The following XPO1 variants were observed in gnomAD, a reference collection of about 807,000 sequenced individuals.
The protein encoded by XPO1 is exportin-1.
A neutral mutation model predicts 133.3 loss-of-function variants in XPO1; 5 were observed. The observed-to-expected ratio is 0.04, with a 90% confidence interval of 0.02 to 0.08. XPO1 has a LOEUF of 0.08. Among genes scored for constraint, XPO1 ranks in the 10% least tolerant of loss-of-function variants. The pLI is 1.00. For synonymous variants in XPO1, 419 were observed against 408.2 expected (o/e 1.03, Z -0.32); for missense variants, 506 against 1,267.5 (o/e 0.40, Z 9.12).
intron 24 of XPO1, among the ~76,000 whole-genome samples, chr2:61,479,432 A>T (rs1696221442): frequency 6.8e-6 from 1 of 148,034 alleles, no homozygotes; most frequent in African/African-American, 2.5e-5. Flanking sequence ...AGCCTGGGTG[A>T]TAAAAGCGAG....
intron 3 of XPO1, among the ~76,000 whole-genome samples, chr2:61,523,187 G>C (rs1698771208): frequency 6.6e-6 from 1 of 152,176 alleles, no homozygotes; most frequent in African/African-American, 2.4e-5. Context: ...CATCACTGGT[G>C]TGTTACTTAA....
chr2:61,514,247 T>C (rs1160502894), intron 4 of XPO1, among the ~76,000 whole-genome samples: 1 of 149,960 alleles, frequency 6.7e-6, no homozygotes, highest in Non-Finnish European at 1.5e-5. Flanking sequence ...CATACTGGCA[T>C]GGCAAAGAAC....
chr2:61,482,332 A>G (rs377043510), intron 23 of XPO1, 48 bp downstream of exon 23: 217 of 1,517,472 alleles, frequency 1.4e-4, no homozygotes, highest in Admixed American at 2.6e-4. Context: ...GGTGTGAGCC[A>G]CTGTGCCCGA....
intron 4 of XPO1, among the ~76,000 whole-genome samples, chr2:61,515,886 A>T (rs1306699528): frequency 1.4e-5 from 2 of 147,222 alleles, no homozygotes; most frequent in Non-Finnish European, 3.0e-5. Flanking sequence ...GATCGAGACC[A>T]TCCTGGCTAA....
At chr2:61,512,209 T>G (rs1327943359) in intron 4 of XPO1, among the ~76,000 whole-genome samples, 1 of 152,260 alleles carries the variant, frequency 6.6e-6, no homozygotes, top group East Asian at 1.9e-4. Context: ...TTCTCATGAA[T>G]TTGTTTTAGA....
At chr2:61,493,202 G>A in intron 12 of XPO1, 149 bp from the exon 13 acceptor site, 1 of 736,020 alleles carries the variant, frequency 1.4e-6, no homozygotes, top group Non-Finnish European at 2.0e-6. Context: ...CTATTCCGGA[G>A]GGCCGAGGCA....
At chr2:61,510,752 C>G (rs1300558670) in intron 4 of XPO1, among the ~76,000 whole-genome samples, 2 of 151,952 alleles carry the variant, frequency 1.3e-5, no homozygotes, top group Admixed American at 6.6e-5. Flanking sequence ...GCCTAGGCAA[C>G]ATAGCGAGAC....
chr2:61,489,378 A>G (rs1573119554), intron 17 of XPO1, among the ~76,000 whole-genome samples: 1 of 147,222 alleles, frequency 6.8e-6, no homozygotes, highest in Non-Finnish European at 1.5e-5. Flanking sequence ...ACGCCATTGC[A>G]CTCCAGCCCG....
intron 4 of XPO1, among the ~76,000 whole-genome samples, chr2:61,505,859 T>C (rs1697783189): frequency 6.6e-6 from 1 of 152,200 alleles, no homozygotes; most frequent in Non-Finnish European, 1.5e-5. Flanking sequence ...TGGCTGATTC[T>C]GACTCTTATA....
At chr2:61,529,303 A>G (rs1443323546) in intron 2 of XPO1, among the ~76,000 whole-genome samples, 1 of 152,226 alleles carries the variant, frequency 6.6e-6, no homozygotes, top group African/African-American at 2.4e-5. Flanking sequence ...TCTCACAACC[A>G]TTTCTGACAA....
At chr2:61,511,400 T>TA (rs1698091774) in intron 4 of XPO1, among the ~76,000 whole-genome samples, 2 of 152,090 alleles carry the variant, frequency 1.3e-5, no homozygotes, top group Non-Finnish European at 1.5e-5. Flanking sequence ...GTCCTGGGAT[T>TA]ACAGGCAAGA....
intron 21 of XPO1, 76 bp downstream of exon 21, chr2:61,483,861 C>A (rs886850649): frequency 1.3e-6 from 2 of 1,503,946 alleles, no homozygotes; most frequent in Non-Finnish European, 1.8e-6. Context: ...ACAAGTAATA[C>A]CTTCCTATGT....
intron 4 of XPO1, among the ~76,000 whole-genome samples, chr2:61,516,778 A>C (rs1323010204): frequency 6.6e-6 from 1 of 152,236 alleles, no homozygotes; most frequent in African/African-American, 2.4e-5. Context: ...TGATTAAAAC[A>C]ATCCCTTGGT....
At chr2:61,495,204 A>C (rs1697187590) in intron 11 of XPO1, among the ~76,000 whole-genome samples, 1 of 152,164 alleles carries the variant, frequency 6.6e-6, no homozygotes, top group Non-Finnish European at 1.5e-5. Context: ...TGAAATTTTA[A>C]CCTTAGAAAT....
intron 24 of XPO1, among the ~76,000 whole-genome samples, 173 bp downstream of exon 24, chr2:61,481,012 T>C (rs1200963138): frequency 1.3e-5 from 2 of 152,192 alleles, no homozygotes; most frequent in Non-Finnish European, 2.9e-5. Context: ...TGGACTTTAG[T>C]TTTTCACTGT....
chr2:61,489,319 A>T (rs186851836), intron 17 of XPO1, among the ~76,000 whole-genome samples: 12 of 150,512 alleles, frequency 8.0e-5, no homozygotes, highest in Non-Finnish European at 1.5e-5. Context: ...AGGCTGAGGC[A>T]GGAGAACTGC....
rs574493355 is a variant in XPO1, at chr2:61,483,593, G to GA, written c.2677+343dup. 1.8e-3 allele frequency: 336 copies of GA among 187,674 alleles called. 1 individual carries two copies. The highest frequency in any genetic ancestry group is 3.1e-3 in the Non-Finnish European group (285 of 92,390). 11.6% of individuals were successfully genotyped at this position (187,674 alleles called of 1,614,324 possible). A position where few individuals can be genotyped will look rare whatever the true frequency, so the allele number is the denominator to read the frequency against. On this transcript the variant is annotated intron_variant, in intron 21 of 24. Coordinates refer to ENST00000401558, the MANE Select transcript of XPO1 (RefSeq NM_003400.4). ...ATGAATATTTTTTAAAAGCCTATGG[G>GA]AAAAAAATTACAATCTAAGTTATGA...
At chr2:61,491,497 C>CACACACACACA (rs1204922763) in intron 16 of XPO1, among the ~76,000 whole-genome samples, 6 of 146,586 alleles carry the variant, frequency 4.1e-5, no homozygotes, top group Admixed American at 6.8e-5. Flanking sequence ...CACACACACA[C>CACACACACACA]CCCAAAACAA....
chr2:61,505,973 T>C (rs185336900), intron 4 of XPO1, among the ~76,000 whole-genome samples: 19 of 152,348 alleles, frequency 1.2e-4, no homozygotes, highest in African/African-American at 3.6e-4. Context: ...TACAGATTAT[T>C]ATCAATAAAA....
Sources: allele counts gnomAD v4.1 joint callset (sites outside exome capture counted in the v4.1 genomes callset), GRCh38; gene constraint gnomAD v4.1.1; transcripts MANE v1.5; gene names NCBI Gene and HGNC (gene_info 2026-07-23, HGNC 2026-07-21).